Variants in TMPRSS15 observed in about 807,000 individuals in gnomAD.
The protein encoded by TMPRSS15 is enteropeptidase.
A neutral mutation model predicts 125.3 loss-of-function variants in TMPRSS15; 128 were observed. The observed-to-expected ratio is 1.02, with a 90% CI of 0.89 to 1.18. The LOEUF (loss-of-function observed/expected upper bound fraction) is 1.18, where lower values mean the gene tolerates loss of function less well. TMPRSS15 is among the 50% of genes most tolerant of loss of function. The pLI is 0.00. For missense variants in TMPRSS15, 1,283 were observed against 1,212.7 expected (o/e 1.06, Z -0.86); for synonymous variants, 446 against 423.2 (o/e 1.05, Z -0.66).
At chr21:18,361,064 C>T (rs1271968700) in intron 7 of TMPRSS15, among the ~76,000 whole-genome samples, 1 of 151,938 alleles carries the variant, frequency 6.6e-6, no homozygotes, top group African/African-American at 2.4e-5. Flanking sequence ...CTAGTGCATG[C>T]TATTGATATA....
At chr21:18,385,455 C>A (rs1275422259) in intron 3 of TMPRSS15, among the ~76,000 whole-genome samples, 1 of 152,226 alleles carries the variant, frequency 6.6e-6, no homozygotes, top group East Asian at 1.9e-4. Context: ...TGGCCTTGGT[C>A]AACAGAATCT....
intron 24 of TMPRSS15, among the ~76,000 whole-genome samples, chr21:18,271,229 T>C (rs541997193): frequency 6.6e-6 from 1 of 152,362 alleles, no homozygotes; most frequent in South Asian, 2.1e-4. Flanking sequence ...TCTGTAATTA[T>C]AGGTTCTGAA....
intron 21 of TMPRSS15, among the ~76,000 whole-genome samples, chr21:18,282,590 C>G (rs1187333170): frequency 5.3e-5 from 8 of 152,160 alleles, no homozygotes; most frequent in Non-Finnish European, 1.2e-4. Flanking sequence ...CAGTGAGCGT[C>G]CAAGCATTCA....
chr21:18,373,833 A>T (rs557897312), intron 5 of TMPRSS15, among the ~76,000 whole-genome samples: 1 of 152,292 alleles, frequency 6.6e-6, no homozygotes, highest in South Asian at 2.1e-4. Flanking sequence ...CTTGGACTTG[A>T]CTGATCTCAT....
At chr21:18,482,832 C>A (rs1322567933) in intron 1 of TMPRSS15, among the ~76,000 whole-genome samples, 2 of 151,654 alleles carry the variant, frequency 1.3e-5, no homozygotes, top group East Asian at 3.9e-4. Flanking sequence ...TTTATCTTAT[C>A]TAACTTATCT....
chr21:18,392,626 G>A (rs1354415534), intron 3 of TMPRSS15, among the ~76,000 whole-genome samples: 3 of 151,962 alleles, frequency 2.0e-5, no homozygotes, highest in Admixed American at 6.6e-5. Context: ...CCACATTTTC[G>A]GTTATCTTTA....
intron 1 of TMPRSS15, among the ~76,000 whole-genome samples, chr21:18,469,232 AG>A (rs1439499327): frequency 6.6e-6 from 1 of 152,178 alleles, no homozygotes; most frequent in African/African-American, 2.4e-5. Context: ...TAATAAAAGA[AG>A]GAGATCACTT....
chr21:18,485,580 C>G, intron 1 of TMPRSS15, among the ~76,000 whole-genome samples: 1 of 151,926 alleles, frequency 6.6e-6, no homozygotes. Context: ...GACTTTTCAG[C>G]ATCTGTCAAA....
At chr21:18,421,361 G>A (rs140878900) in intron 1 of TMPRSS15, among the ~76,000 whole-genome samples, 91 of 152,202 alleles carry the variant, frequency 6.0e-4, no homozygotes, top group South Asian at 8.3e-4. Context: ...AAACCTTGGC[G>A]TCTTGTTACT....
At chr21:18,299,502 G>A (rs938948829) in intron 18 of TMPRSS15, among the ~76,000 whole-genome samples, 1 of 152,186 alleles carries the variant, frequency 6.6e-6, no homozygotes, top group African/African-American at 2.4e-5. Flanking sequence ...GTTGTGTTTT[G>A]CTGTCTGCAG....
chr21:18,310,724 G>T (rs969126788), intron 18 of TMPRSS15, among the ~76,000 whole-genome samples: 3 of 151,872 alleles, frequency 2.0e-5, no homozygotes, highest in African/African-American at 7.3e-5. Flanking sequence ...CCTAAAATTT[G>T]TATGGAACCA....
At chr21:18,469,619 G>A (rs1234218107) in intron 1 of TMPRSS15, among the ~76,000 whole-genome samples, 3 of 151,882 alleles carry the variant, frequency 2.0e-5, no homozygotes, top group East Asian at 1.9e-4. Context: ...TTTAAATCAG[G>A]AAGAAAGTAT....
intron 1 of TMPRSS15, among the ~76,000 whole-genome samples, chr21:18,428,181 G>A (rs1271718978): frequency 6.6e-6 from 1 of 152,188 alleles, no homozygotes; most frequent in East Asian, 1.9e-4. Context: ...CAACAAATAA[G>A]ATTTGACAAT....
chr21:18,308,778 T>A, intron 18 of TMPRSS15, among the ~76,000 whole-genome samples: 1 of 152,092 alleles, frequency 6.6e-6, no homozygotes, highest in African/African-American at 2.4e-5. Flanking sequence ...TGTGTGATGT[T>A]CCCCTCCTTG....
chr21:18,298,414 C>T (rs1380046478), intron 18 of TMPRSS15, among the ~76,000 whole-genome samples: 2 of 152,210 alleles, frequency 1.3e-5, no homozygotes, highest in African/African-American at 4.8e-5. Flanking sequence ...AAAGGAGAGA[C>T]TATGCAGCTT....
chr21:18,292,156 T>C (rs1383512316), intron 21 of TMPRSS15, among the ~76,000 whole-genome samples: 1 of 152,250 alleles, frequency 6.6e-6, no homozygotes, highest in Non-Finnish European at 1.5e-5. Flanking sequence ...ATGTCAAGGA[T>C]TGTTTTCTCC....
At chr21:18,341,574 C>T (rs376716677) in intron 12 of TMPRSS15, 26 bp from the exon 13 acceptor site, 124 of 1,612,966 alleles carry the variant, frequency 7.7e-5, no homozygotes, top group East Asian at 4.5e-5. Context: ...GCATATGAAA[C>T]GATTTGATTC....
At chr21:18,366,489 C>T (rs73196427) in intron 6 of TMPRSS15, among the ~76,000 whole-genome samples, 13,703 of 152,088 alleles carry the variant, frequency 0.09, 803 homozygotes, top group Middle Eastern at 0.22. Flanking sequence ...TTATTAGTTG[C>T]CTTTAATTTA....
chr21:18,303,150 A>G (rs563962030), intron 18 of TMPRSS15, among the ~76,000 whole-genome samples: 17 of 152,250 alleles, frequency 1.1e-4, no homozygotes, highest in African/African-American at 3.4e-4. Flanking sequence ...GGAATCTCAG[A>G]CATAAGTGTT....
Sources: gnomAD v4.1 joint callset for allele counts (sites outside exome capture counted in the v4.1 genomes callset) on GRCh38, gnomAD v4.1.1 for gene constraint, MANE v1.5 for transcripts, NCBI Gene and HGNC (gene_info 2026-07-23, HGNC 2026-07-21) for gene names.